The following DENND4C variants were observed in gnomAD, a reference collection of about 807,000 sequenced individuals.
DENND4C encodes DENN domain containing 4C, also known as DENN domain-containing protein 4C.
In DENND4C, 108 loss-of-function variants were observed where a neutral mutation model predicts 203.0. That is an observed-to-expected ratio of 0.53 (90% confidence interval 0.46 to 0.62). The LOEUF (loss-of-function observed/expected upper bound fraction) is 0.62, where lower values mean the gene tolerates loss of function less well. DENND4C is among the 20% of genes least tolerant of loss of function. DENND4C has a pLI of 0.00. For synonymous variants in DENND4C, 871 were observed against 792.4 expected, an observed-to-expected ratio of 1.10 and a Z score of -1.67; for missense variants, 2,481 against 2,301.2, an observed-to-expected ratio of 1.08 and a Z score of -1.60.
At chr9:19,266,779 G>A (rs544029910) in intron 1 of DENND4C, among the ~76,000 whole-genome samples, 1 of 152,278 alleles carries the variant, frequency 6.6e-6, no homozygotes, top group East Asian at 1.9e-4. Flanking sequence ...GCCGTATGTA[G>A]AGGGCTGAAA....
In DENND4C at chr9:19,332,181, T is replaced by C. The variant is rs779857327; in HGVS notation, c.2457T>C (p.Asp819=). ...KMRKTDVDPL[D]EVCYRVVMQL... is the part of the protein sequence containing the mutation. Reference sequence around the variant, plus strand: ...GGAAAACAGATGTGGATCCCTTAGATGAGGCAAGTATAACAAATTGACATT... The same window carrying C: ...GGAAAACAGATGTGGATCCCTTAGACGAGGCAAGTATAACAAATTGACATT... The change falls in exon 17 of 33, where the codon GAT becomes GAC. Residue 819 remains aspartate (D), a synonymous_variant. Transcript: ENST00000434457. 6.2e-7 allele frequency: 1 copy of C among 1,613,014 alleles called. No individual in the cohort carries two copies. The highest frequency in any genetic ancestry group is 2.2e-5 in the East Asian group (1 of 44,822).
chr9:19,245,814 C>G (rs891934329), intron 1 of DENND4C, among the ~76,000 whole-genome samples: 5 of 148,860 alleles, frequency 3.4e-5, no homozygotes, highest in African/African-American at 1.0e-4. Flanking sequence ...AGAGATCATG[C>G]CATTGCACTC....
intron 1 of DENND4C, among the ~76,000 whole-genome samples, chr9:19,238,735 C>T (rs911475359): frequency 9.8e-5 from 14 of 142,620 alleles, no homozygotes; most frequent in African/African-American, 2.6e-4. Flanking sequence ...CTCACTGCAA[C>T]CCCCGTACCC....
intron 12 of DENND4C, among the ~76,000 whole-genome samples, chr9:19,317,980 T>C (rs1353453757): frequency 2.0e-5 from 3 of 152,154 alleles, no homozygotes; most frequent in Non-Finnish European, 4.4e-5. Flanking sequence ...CAAATCTGAG[T>C]TAGAATTTCT....
intron 1 of DENND4C, among the ~76,000 whole-genome samples, chr9:19,246,213 C>T (rs1464163218): frequency 6.6e-6 from 1 of 152,188 alleles, no homozygotes. Flanking sequence ...AAAACTTCAA[C>T]CCCGATTACA....
At position 19,328,142 on chromosome 9, in the gene DENND4C, A is replaced by G. The variant is rs368083361; in HGVS notation, c.2233A>G (p.Met745Val). Residue 745 changes from methionine (M) to valine (V), a missense_variant, in exon 16 of 33, where the codon ATG (methionine) becomes GTG (valine). Transcript: ENST00000434457. ...TAGCATTACAAAGAGTCCACCTCTC[A>G]TGGCTAAGAGAACTAAACAGGTCAG... ...GNSITKSPPLMAKRTKQEIKT... is the reference protein window; with the variant it reads ...GNSITKSPPLVAKRTKQEIKT... 1.3e-5 allele frequency: 21 copies of G among 1,610,220 alleles called. No individual in the cohort carries two copies. Among genetic ancestry groups the G allele is most frequent in the Middle Eastern group, 1.7e-4 (1 of 5,996 alleles).
At chr9:19,254,847 C>T (rs954849744) in intron 1 of DENND4C, among the ~76,000 whole-genome samples, 7 of 151,924 alleles carry the variant, frequency 4.6e-5, no homozygotes, top group Non-Finnish European at 7.4e-5. Flanking sequence ...AAAAGTTGGC[C>T]GGGACCGGGT....
intron 12 of DENND4C, among the ~76,000 whole-genome samples, chr9:19,319,331 TATATACAC>T (rs1443424950): frequency 2.5e-5 from 1 of 39,258 alleles, no homozygotes; most frequent in Non-Finnish European, 6.2e-5. Context: ...TATATACATA[TATATACAC>T]ATATATATAT....
intron 1 of DENND4C, among the ~76,000 whole-genome samples, chr9:19,268,519 C>T (rs929018917): frequency 1.3e-5 from 2 of 152,100 alleles, no homozygotes; most frequent in Admixed American, 6.6e-5. Context: ...TTGCTATTAC[C>T]AGGGAGTTTT....
Position 19,296,266 on chromosome 9 carries a change from A to G in DENND4C, c.1040+20A>G. On this transcript the variant is annotated intron_variant, in intron 6 of 32. Transcript: ENST00000434457. ...TGAAAAGTATGTATAATGATTAGAA[A>G]GATGGCTGGTGGAAAACTGGGTATA... is the stretch of plus-strand genomic sequence containing the variant. 1 of 1,512,352 alleles carries G rather than the reference A, an allele frequency of 6.6e-7. No individual in the cohort carries two copies. 93.7% of individuals were successfully genotyped at this position (1,512,352 alleles called of 1,614,324 possible).
chr9:19,278,487 T>G (rs1833363974), intron 2 of DENND4C, among the ~76,000 whole-genome samples: 1 of 152,116 alleles, frequency 6.6e-6, no homozygotes, highest in African/African-American at 2.4e-5. Context: ...GACCACCACT[T>G]GTTACGCTCA....
At chr9:19,241,789 G>A (rs542889903) in intron 1 of DENND4C, among the ~76,000 whole-genome samples, 1 of 152,064 alleles carries the variant, frequency 6.6e-6, no homozygotes, top group East Asian at 1.9e-4. Flanking sequence ...AGGCTGAGGT[G>A]GGACGATCGC....
chr9:19,360,106 G>C (rs1029066935), intron 28 of DENND4C, 138 bp from the exon 29 acceptor site: 13 of 826,772 alleles, frequency 1.6e-5, no homozygotes, highest in Non-Finnish European at 2.4e-5. Context: ...TCATTCATTA[G>C]CATATTCTCT....
In DENND4C at chr9:19,336,752, A is replaced by C; in HGVS notation, c.2801A>C (p.Asn934Thr). 6.4e-7 allele frequency: 1 copy of C among 1,551,052 alleles called. No individual in the cohort carries two copies. ...AGCCACGGTAGTGTGGATAGTTCTA[A>C]TGATGCTAACAATGGGGAGCACACA... ...TVSHGSVDSS[N>T]DANNGEHTVF... Residue 934 changes from asparagine (N) to threonine (T), a missense_variant, in exon 20 of 33, where the codon AAT (asparagine) becomes ACT (threonine). Asn to Thr is a moderately conservative substitution (Grantham distance 65). Transcript: ENST00000434457.
intron 24 of DENND4C, among the ~76,000 whole-genome samples, chr9:19,351,541 C>T (rs1029548695): frequency 6.6e-6 from 1 of 152,124 alleles, no homozygotes; most frequent in African/African-American, 2.4e-5. Context: ...GACACAGTGG[C>T]TCATGCCTGT....
intron 4 of DENND4C, 90 bp from the exon 5 acceptor site, chr9:19,290,614 G>T: frequency 1.2e-6 from 1 of 859,512 alleles, no homozygotes; most frequent in Non-Finnish European, 1.6e-6. Context: ...CATGAAATTC[G>T]GCATTAAAAT....
In DENND4C at chr9:19,332,173, C is replaced by A. The variant is rs749431391; in HGVS notation, c.2449C>A (p.Pro817Thr). The part of the protein sequence containing the change: ...LIKMRKTDVD[P>T]LDEVCYRVVM... The stretch of plus-strand genomic sequence containing the variant: ...TAAGATGAGGAAAACAGATGTGGAT[C>A]CCTTAGATGAGGCAAGTATAACAAA... Residue 817 changes from proline to threonine, a missense_variant, in exon 17 of 33, where the codon CCC (proline) becomes ACC (threonine). Transcript: ENST00000434457. 4 of 1,613,328 alleles carry A rather than the reference C, an allele frequency of 2.5e-6. No homozygotes were observed. Among genetic ancestry groups the A allele is most frequent in the Non-Finnish European group, 3.4e-6 (4 of 1,179,582 alleles).
chr9:19,348,335 CAGG>C (rs938060475), intron 23 of DENND4C, among the ~76,000 whole-genome samples: 9 of 152,004 alleles, frequency 5.9e-5, no homozygotes, highest in African/African-American at 2.2e-4. Flanking sequence ...AGCGATATCT[CAGG>C]AGAAGATACC....
chr9:19,317,159 C>T (rs1316268213), intron 12 of DENND4C, among the ~76,000 whole-genome samples: 1 of 149,468 alleles, frequency 6.7e-6, no homozygotes, highest in East Asian at 2.0e-4. Context: ...CTCAATTTTG[C>T]ATAGTTCCTT....
Sources: gnomAD v4.1 joint callset for allele counts (sites outside exome capture counted in the v4.1 genomes callset) on GRCh38, gnomAD v4.1.1 for gene constraint, MANE v1.5 for transcripts, NCBI Gene and HGNC (gene_info 2026-07-23, HGNC 2026-07-21) for gene names.